Variants in MGA observed in about 807,000 individuals in gnomAD.
The protein encoded by MGA is MAX dimerization protein MGA, also known as MAX gene-associated protein.
Under a neutral mutation model 261.1 loss-of-function variants are expected in MGA, and 40 were observed. The observed-to-expected ratio is 0.15, with a 90% CI of 0.12 to 0.20. MGA has a LOEUF of 0.20. Among genes scored for constraint, MGA ranks in the 10% least tolerant of loss-of-function variants. MGA has a pLI of 1.00. For missense variants in MGA, 3,397 were observed against 3,630.5 expected, an observed-to-expected ratio of 0.94 and a Z score of 1.65; for synonymous variants, 1,302 against 1,290.6, an observed-to-expected ratio of 1.01 and a Z score of -0.19.
chr15:41,628,860 C>G (rs1350048102), intron 1 of MGA, among the ~76,000 whole-genome samples: 2 of 152,126 alleles, frequency 1.3e-5, no homozygotes, highest in East Asian at 3.8e-4. Context: ...CCGTTGGAGG[C>G]CGGGCACGGT....
At position 41,718,332 on chromosome 15, in the gene MGA, T is replaced by C. The variant is rs113939195; in HGVS notation, c.3430+4836T>C. On this transcript the variant is annotated intron_variant, in intron 9 of 23. Transcript: ENST00000219905. Reference sequence around the variant, plus strand: ...ATATATATATATATACATATATATATACATGTATAGTATTATTTAGTTAGG... The same window carrying C: ...ATATATATATATATACATATATATACACATGTATAGTATTATTTAGTTAGG... 517 of 299,934 alleles carry C rather than the reference T, an allele frequency of 1.7e-3. 2 individuals are homozygous for C. The highest frequency in any genetic ancestry group is 0.011 in the African/African-American group (491 of 45,052). The allele number at this position is 299,934 out of a possible 1,614,324, so 18.6% of individuals were successfully genotyped here.
intron 9 of MGA, among the ~76,000 whole-genome samples, chr15:41,716,039 C>T (rs991976892): frequency 6.6e-6 from 1 of 151,972 alleles, no homozygotes; most frequent in Non-Finnish European, 1.5e-5. Flanking sequence ...ACTCCGATAG[C>T]CAATTATTAA....
Position 41,762,461 on chromosome 15 carries a change from GTTTTTTTTTTTTTTTTTTT to G in MGA, c.7744+111_7744+129del, listed in dbSNP as rs34069193. 4.4e-3 allele frequency: 616 copies of G among 138,454 alleles called. 11 individuals are homozygous for G. Among genetic ancestry groups the G allele is most frequent in the South Asian group, 0.027 (423 of 15,464 alleles). The allele number at this position is 138,454 out of a possible 1,614,324, so 8.6% of individuals were successfully genotyped here. ...TTGTCCACATTTTTAGTTTTGTGTG[GTTTTTTTTTTTTTTTTTTT>G]TTTTTTTTTTTGGAGACAGCTCTGT... On this transcript the variant is annotated intron_variant, in intron 22 of 23. Transcript: ENST00000219905.
At chr15:41,631,777 T>G (rs539887729) in intron 1 of MGA, among the ~76,000 whole-genome samples, 5 of 152,312 alleles carry the variant, frequency 3.3e-5, no homozygotes, top group African/African-American at 1.2e-4. Flanking sequence ...TGTATTTTCA[T>G]ATTTGAATTA....
chr15:41,750,590 G>C lies in MGA; in HGVS notation c.6983G>C (p.Ser2328Thr). The C allele has an allele frequency of 6.2e-7, 1 of 1,609,208 alleles. No individual in the cohort carries two copies. Among genetic ancestry groups the C allele is most frequent in the Non-Finnish European group, 8.5e-7 (1 of 1,177,748 alleles). ...GTGGATGTTGTTTCTGACTACCAGA[G>C]TGAGGAGGTTGATGATGTAGAAAAG... Residue 2328 changes from serine to threonine, a missense_variant, in exon 17 of 24, where the codon AGT becomes ACT. Ser to Thr is a moderately conservative substitution (Grantham distance 58). Transcript: ENST00000219905.
At chr15:41,713,596 C>A in intron 9 of MGA, 100 bp downstream of exon 9, 1 of 1,346,372 alleles carries the variant, frequency 7.4e-7, no homozygotes, top group Non-Finnish European at 9.8e-7. Context: ...ATCAATTATC[C>A]AATAAGAGCT....
At chr15:41,641,195 A>T (rs190760591) in intron 1 of MGA, among the ~76,000 whole-genome samples, 19 of 152,296 alleles carry the variant, frequency 1.2e-4, no homozygotes, top group African/African-American at 4.1e-4. Flanking sequence ...ATAATATTTC[A>T]TTGTGTTGAT....
At position 41,754,581 on chromosome 15, in the gene MGA, C is replaced by T. The variant is rs1158564383; in HGVS notation, c.7139+14C>T. On this transcript the variant is annotated intron_variant, in intron 18 of 23. Coordinates refer to ENST00000219905, the MANE Select transcript of MGA (RefSeq NM_001164273.2). ...ATTCAAACAGCCGTAAGTCTTATTTCTCTTTGGATTGTTGTTTTTGTAGTT... is the reference window on the plus strand; with the variant it reads ...ATTCAAACAGCCGTAAGTCTTATTTTTCTTTGGATTGTTGTTTTTGTAGTT... The T allele has an allele frequency of 1.3e-5, 20 of 1,548,428 alleles. No homozygotes were observed. Among genetic ancestry groups the T allele is most frequent in the Non-Finnish European group, 1.7e-5 (20 of 1,148,270 alleles).
chr15:41,736,032 ACTC>A, intron 12 of MGA, 146 bp from the exon 13 acceptor site: 1 of 726,044 alleles, frequency 1.4e-6, no homozygotes, highest in Non-Finnish European at 2.1e-6. Flanking sequence ...TTCCTGGAAA[ACTC>A]CCAAATTGTG....
rs2060208589 is a variant in MGA, at chr15:41,708,135, G to A, written c.2352G>A (p.Gly784=). 1 of 1,597,388 alleles carries A rather than the reference G, an allele frequency of 6.3e-7. No individual in the cohort carries two copies. Among genetic ancestry groups the A allele is most frequent in the Non-Finnish European group, 8.5e-7 (1 of 1,171,588 alleles). The stretch of plus-strand genomic sequence containing the variant: ...GATTTCCCTTTGTTTCTAGGACAGG[G>A]AAAACCAATGATTTCACTAAGATCA... Residue 784 remains glycine, a synonymous_variant, in exon 7 of 24, where the codon GGG becomes GGA. Transcript: ENST00000219905.
In MGA at chr15:41,669,715, A is replaced by C; in HGVS notation, c.821A>C (p.Lys274Thr). The change falls in exon 2 of 24, where the codon AAG (lysine) becomes ACG (threonine). Residue 274 changes from lysine to threonine, a missense_variant. Physicochemically the swap from Lys to Thr is moderately conservative, Grantham distance 78. This residue lies in a region of MGA where 563 missense variants were observed against 563.6 expected (regional missense o/e 1.00). Transcript: ENST00000219905. ...AAGCCCCAGAGAGATGGAAAACAAA[A>C]GAACAGCTCTGACCAAGAAGGGAAT... 1 of 1,613,632 alleles carries C rather than the reference A, an allele frequency of 6.2e-7. No homozygotes were observed. Among genetic ancestry groups the C allele is most frequent in the Non-Finnish European group, 8.5e-7 (1 of 1,179,674 alleles).
At chr15:41,648,228 A>G (rs1185495598) in intron 1 of MGA, among the ~76,000 whole-genome samples, 2 of 152,246 alleles carry the variant, frequency 1.3e-5, no homozygotes, top group East Asian at 3.8e-4. Flanking sequence ...TAGCATAGTC[A>G]TTAAAAGTGT....
intron 9 of MGA, among the ~76,000 whole-genome samples, chr15:41,723,802 T>C (rs936253642): frequency 1.3e-5 from 2 of 152,222 alleles, no homozygotes; most frequent in Non-Finnish European, 2.9e-5. Flanking sequence ...TCAAATCCTT[T>C]TATGAACTCC....
At chr15:41,654,139 T>TC (rs2150740251) in intron 1 of MGA, among the ~76,000 whole-genome samples, 1 of 152,354 alleles carries the variant, frequency 6.6e-6, no homozygotes, top group East Asian at 1.9e-4. Context: ...AAGTGACTTA[T>TC]ACTCCATCAC....
At chr15:41,627,955 AC>A (rs1294017728) in intron 1 of MGA, among the ~76,000 whole-genome samples, 2 of 152,270 alleles carry the variant, frequency 1.3e-5, no homozygotes, top group East Asian at 3.8e-4. Flanking sequence ...GTAATATCTT[AC>A]AATTCAACAA....
intron 18 of MGA, among the ~76,000 whole-genome samples, chr15:41,756,450 A>G (rs772081865): frequency 2.6e-5 from 4 of 152,240 alleles, no homozygotes; most frequent in African/African-American, 7.2e-5. Context: ...GGGAACTCGC[A>G]TACTGCAAGT....
chr15:41,639,253 A>G (rs1342184174), intron 1 of MGA, among the ~76,000 whole-genome samples: 1 of 151,678 alleles, frequency 6.6e-6, no homozygotes, highest in African/African-American at 2.4e-5. Flanking sequence ...TGGCTCTACT[A>G]TTTTATGGCC....
At position 41,740,223 on chromosome 15, in the gene MGA, T is replaced by C. The variant is rs980224224; in HGVS notation, c.4585+20T>C. ...CAATTGGTAAGTTGGGGTGTATGTA[T>C]GGTTTGGAAAGGCCTATGACTTGGT... is the stretch of plus-strand genomic sequence containing the variant. On this transcript the variant is annotated intron_variant, in intron 14 of 23. Transcript: ENST00000219905. The C allele has an allele frequency of 3.0e-5, 48 of 1,611,670 alleles. No homozygotes were observed. Among genetic ancestry groups the C allele is most frequent in the Non-Finnish European group, 3.6e-5 (43 of 1,178,560 alleles).
intron 1 of MGA, among the ~76,000 whole-genome samples, chr15:41,667,544 G>A (rs1041002606): frequency 1.3e-5 from 2 of 151,738 alleles, no homozygotes; most frequent in Non-Finnish European, 2.9e-5. Flanking sequence ...CTGCTCCCCC[G>A]CCGCTATTAT....
Sources: allele counts gnomAD v4.1 joint callset (sites outside exome capture counted in the v4.1 genomes callset), GRCh38; gene constraint gnomAD v4.1.1; regional missense constraint gnomAD v4.1.1; transcripts MANE v1.5; gene names NCBI Gene and HGNC (gene_info 2026-07-23, HGNC 2026-07-21).